Variants in AFDN observed in about 807,000 individuals in gnomAD.
AFDN encodes afadin.
Under a neutral mutation model 216.6 loss-of-function variants are expected in AFDN, and 68 were observed. The observed-to-expected ratio is 0.31, with a 90% CI of 0.26 to 0.38. The LOEUF is 0.38. AFDN is among the 10% of genes least tolerant of loss of function. AFDN has a pLI of 1.00. For missense variants in AFDN, 2,136 were observed against 2,342.0 expected, an observed-to-expected ratio of 0.91 and a Z score of 1.82; for synonymous variants, 868 against 853.7, an observed-to-expected ratio of 1.02 and a Z score of -0.29.
intron 1 of AFDN, among the ~76,000 whole-genome samples, chr6:167,862,908 T>G (rs1783756034): frequency 6.6e-6 from 1 of 152,172 alleles, no homozygotes; most frequent in Non-Finnish European, 1.5e-5. Flanking sequence ...TATGGGTAAG[T>G]GTTGTTTCTG....
intron 1 of AFDN, among the ~76,000 whole-genome samples, chr6:167,839,501 T>C (rs1190130579): frequency 6.6e-6 from 1 of 152,204 alleles, no homozygotes; most frequent in Non-Finnish European, 1.5e-5. Flanking sequence ...AGTCAGACTT[T>C]GTCAGAGATG....
chr6:167,912,336 TA>T (rs1286486895), intron 15 of AFDN, among the ~76,000 whole-genome samples: 2 of 152,244 alleles, frequency 1.3e-5, no homozygotes, highest in Non-Finnish European at 2.9e-5. Flanking sequence ...TTTAACTTAA[TA>T]AAACTCTAGT....
chr6:167,957,037 TG>T (rs1390517035), intron 30 of AFDN, among the ~76,000 whole-genome samples: 1 of 152,188 alleles, frequency 6.6e-6, no homozygotes, highest in African/African-American at 2.4e-5. Flanking sequence ...CCTTGCCCAC[TG>T]GCCCTCCAGC....
chr6:167,952,572 G>A, intron 30 of AFDN: 1 of 927,852 alleles, frequency 1.1e-6, no homozygotes. Flanking sequence ...TTTAGGCTTT[G>A]CAGGCCACGG....
At chr6:167,958,953 A>G (rs1257735918) in intron 30 of AFDN, among the ~76,000 whole-genome samples, 3 of 152,284 alleles carry the variant, frequency 2.0e-5, no homozygotes, top group Admixed American at 1.3e-4. Context: ...CAGTGTAGTC[A>G]CAGTGCATCT....
intron 26 of AFDN, 101 bp from the exon 27 acceptor site, chr6:167,946,606 A>T: frequency 3.0e-6 from 3 of 1,005,980 alleles, no homozygotes; most frequent in Non-Finnish European, 4.4e-6. Flanking sequence ...GACCTTTATC[A>T]CCTTATTTCT....
chr6:167,886,185 C>T (rs564659280), intron 6 of AFDN, among the ~76,000 whole-genome samples: 1 of 151,932 alleles, frequency 6.6e-6, no homozygotes, highest in South Asian at 2.1e-4. Flanking sequence ...CAGCAAAGCT[C>T]ATTTCATTGG....
Position 167,970,260 on chromosome 6 carries a change from G to A in AFDN, c.*325G>A. ...CTAAGGGCAGGAGAAGAGAATGGAT[G>A]TGTCTTCTCTCCCATCTTCCCCTCA... On this transcript the variant is annotated 3_prime_UTR_variant, in exon 34 of 34. Coordinates refer to ENST00000683244, the MANE Select transcript of AFDN (RefSeq NM_001386888.1). 3.3e-6 allele frequency: 1 copy of A among 301,588 alleles called. No individual in the cohort carries two copies. Among genetic ancestry groups the A allele is most frequent in the South Asian group, 6.9e-5 (1 of 14,422 alleles). The allele number at this position is 301,588 out of a possible 1,614,324, so 18.7% of individuals were successfully genotyped here.
At chr6:167,869,407 G>T (rs1186966325) in intron 2 of AFDN, among the ~76,000 whole-genome samples, 1 of 152,188 alleles carries the variant, frequency 6.6e-6, no homozygotes, top group Non-Finnish European at 1.5e-5. Flanking sequence ...TTAAGATAAA[G>T]AAAGATTTGG....
intron 1 of AFDN, among the ~76,000 whole-genome samples, chr6:167,855,135 G>T (rs1427509926): frequency 6.6e-6 from 1 of 151,974 alleles, no homozygotes; most frequent in Admixed American, 6.6e-5. Context: ...ATTGAGTTTA[G>T]TTGACACAGT....
At chr6:167,910,419 T>G (rs1273501109) in intron 13 of AFDN, among the ~76,000 whole-genome samples, 1 of 152,238 alleles carries the variant, frequency 6.6e-6, no homozygotes, top group East Asian at 1.9e-4. Flanking sequence ...CAATGCTAGT[T>G]TTTATAAATG....
At chr6:167,907,117 A>C (rs1789796189) in intron 12 of AFDN, 54 bp from the exon 13 acceptor site, 1 of 1,364,818 alleles carries the variant, frequency 7.3e-7, no homozygotes, top group Non-Finnish European at 1.0e-6. Flanking sequence ...CTGAGTGTCA[A>C]GCTTGGTTGG....
intron 23 of AFDN, among the ~76,000 whole-genome samples, chr6:167,925,777 C>T (rs1026369223): frequency 2.0e-5 from 3 of 152,166 alleles, no homozygotes; most frequent in African/African-American, 7.2e-5. Context: ...TCATGAGCCT[C>T]TTCCAATATG....
At chr6:167,927,415 A>G (rs1388071941) in intron 23 of AFDN, among the ~76,000 whole-genome samples, 3 of 152,162 alleles carry the variant, frequency 2.0e-5, no homozygotes, top group African/African-American at 4.8e-5. Flanking sequence ...TTAGTTTTAA[A>G]ACTCTTGATT....
chr6:167,964,012 GCAGCTGGGTTGT>G, intron 31 of AFDN: 1 of 1,064,468 alleles, frequency 9.4e-7, no homozygotes, highest in Non-Finnish European at 1.1e-6. Context: ...CTCGGCGGGG[GCAGCTGGGTTGT>G]CACGGCAGCA....
rs544063294 is a variant in AFDN, at chr6:167,902,454, GGTGGGGGATGTGTTCCCCTTATTT to G, written c.1650+85_1650+108del. On this transcript the variant is annotated intron_variant, in intron 12 of 33. Coordinates refer to ENST00000683244, the MANE Select transcript of AFDN (RefSeq NM_001386888.1). ...GGACACCATGGATGAATACAGTAGT[GGTGGGGGATGTGTTCCCCTTATTT>G]GTGGGGGATGTGTTCCAAGACCACC... 376 of 1,157,956 alleles carry G rather than the reference GGTGGGGGATGTGTTCCCCTTATTT, an allele frequency of 3.2e-4. No homozygotes were observed. In the African/African-American group the frequency reaches 4.9e-3, roughly 15 times the overall value. The allele number at this position is 1,157,956 out of a possible 1,614,324, so 71.7% of individuals were successfully genotyped here.
At chr6:167,883,138 A>G (rs1167726027) in intron 6 of AFDN, among the ~76,000 whole-genome samples, 1 of 152,140 alleles carries the variant, frequency 6.6e-6, no homozygotes, top group Non-Finnish European at 1.5e-5. Context: ...AGAATTCAAG[A>G]ATAGAATCTA....
chr6:167,916,942 C>T, intron 19 of AFDN, 147 bp from the exon 20 acceptor site: 3 of 681,266 alleles, frequency 4.4e-6, no homozygotes, highest in Non-Finnish European at 7.1e-6. Context: ...TATATAGTTA[C>T]TGTAAATGGA....
intron 13 of AFDN, among the ~76,000 whole-genome samples, chr6:167,908,425 TAATA>T (rs1454050001): frequency 2.6e-5 from 4 of 152,254 alleles, no homozygotes; most frequent in Admixed American, 6.5e-5. Context: ...TTACATGTGA[TAATA>T]AATAGTTTAC....
Sources: allele counts gnomAD v4.1 joint callset (sites outside exome capture counted in the v4.1 genomes callset), GRCh38; gene constraint gnomAD v4.1.1; transcripts MANE v1.5; gene names NCBI Gene and HGNC (gene_info 2026-07-23, HGNC 2026-07-21).